The following CORO7 variants were observed in gnomAD, a reference collection of about 807,000 sequenced individuals.
The protein encoded by CORO7 is coronin-7.
A neutral mutation model predicts 126.6 loss-of-function variants in CORO7; 107 were observed. The observed-to-expected ratio is 0.85, with a 90% CI of 0.72 to 0.99. The LOEUF is 0.99. Ranked by LOEUF, CORO7 falls within the 50% of genes least tolerant of loss-of-function variation. The pLI is 0.00. For missense variants in CORO7, 1,314 were observed against 1,255.8 expected (o/e 1.05, Z -0.70); for synonymous variants, 603 against 536.8 (o/e 1.12, Z -1.70).
At chr16:4,367,143 C>G (rs952142663) in intron 9 of CORO7, among the ~76,000 whole-genome samples, 2 of 152,196 alleles carry the variant, frequency 1.3e-5, no homozygotes, top group African/African-American at 4.8e-5. Context: ...CCTGGAGTGC[C>G]TTGGGCTGGT....
chr16:4,381,749 G>A (rs751445099), intron 9 of CORO7: 42 of 1,603,694 alleles, frequency 2.6e-5, no homozygotes, highest in Non-Finnish European at 3.3e-5. Flanking sequence ...CCCCGCCTGC[G>A]GCTGCTGGCA....
At position 4,355,001 on chromosome 16, in the gene CORO7, C is replaced by CAG; in HGVS notation, c.*155_*156dup. 1 of 735,426 alleles carries CAG rather than the reference C, an allele frequency of 1.4e-6. No homozygotes were observed. The highest frequency in any genetic ancestry group is 2.0e-6 in the Non-Finnish European group (1 of 487,956). 45.6% of individuals were successfully genotyped at this position (735,426 alleles called of 1,614,324 possible). ...GGTGAAAACAGTCCCTGGGAACTGC[C>CAG]AGAGGCCCAGAGGATGTGGAAGTGC... On this transcript the variant is annotated 3_prime_UTR_variant, in exon 28 of 28. Transcript: ENST00000251166.
chr16:4,388,619 G>A lies in CORO7; in HGVS notation c.628C>T (p.His210Tyr), dbSNP rs750298756. The A allele has an allele frequency of 1.2e-6, 2 of 1,611,842 alleles. No individual in the cohort carries two copies. Among genetic ancestry groups the A allele is most frequent in the Non-Finnish European group, 1.7e-6 (2 of 1,179,490 alleles). The change falls in exon 8 of 28, where the codon CAT (histidine) becomes TAT (tyrosine). Residue 210 changes from histidine to tyrosine, a missense_variant. By Grantham distance (83) the His-to-Tyr change is moderately conservative (BLOSUM62 2). Coordinates refer to ENST00000251166, the MANE Select transcript of CORO7 (RefSeq NM_024535.5). ...KPRASQSTQA[H>Y]ENSRDSRLAW... Reference sequence around the variant, plus strand: ...AGCCGGCTATCCCTGCTGTTCTCATGGGCCTGCGTGCTCTGCAGGAGGCAA... The same window carrying A: ...AGCCGGCTATCCCTGCTGTTCTCATAGGCCTGCGTGCTCTGCAGGAGGCAA...
chr16:4,389,726 G>A (rs1001548053), intron 7 of CORO7, among the ~76,000 whole-genome samples: 1 of 152,218 alleles, frequency 6.6e-6, no homozygotes. Flanking sequence ...TCAGGACAAG[G>A]GTCGAGCCAT....
intron 9 of CORO7, among the ~76,000 whole-genome samples, chr16:4,385,205 T>C (rs920287160): frequency 6.6e-6 from 1 of 152,140 alleles, no homozygotes; most frequent in Non-Finnish European, 1.5e-5. Flanking sequence ...CCCTGGGCCA[T>C]GTGGGTGACA....
intron 9 of CORO7, chr16:4,382,247 C>T (rs372975411): frequency 1.4e-5 from 22 of 1,607,546 alleles, no homozygotes; most frequent in Admixed American, 1.0e-4. Flanking sequence ...ACACCAGTCA[C>T]GCCGAGGCCA....
At chr16:4,377,860 C>T (rs56845560) in intron 9 of CORO7, among the ~76,000 whole-genome samples, 3,105 of 152,308 alleles carry the variant, frequency 0.02, 108 homozygotes, top group African/African-American at 0.07. Context: ...TGGCTGCCGC[C>T]TGCTGGATGG....
chr16:4,357,914 C>A, intron 25 of CORO7, 54 bp downstream of exon 25: 1 of 1,559,638 alleles, frequency 6.4e-7, no homozygotes, highest in South Asian at 1.2e-5. Context: ...GGCCTTCTGT[C>A]CCTTTCTCCA....
intron 6 of CORO7, among the ~76,000 whole-genome samples, chr16:4,396,887 G>T (rs891869715): frequency 6.6e-5 from 10 of 151,606 alleles, no homozygotes; most frequent in African/African-American, 2.2e-4. Context: ...ATGGTGGCAG[G>T]CACCTGTAAT....
In CORO7 at chr16:4,407,490, G is replaced by A. The variant is rs774410759; in HGVS notation, c.487+11C>T. 9.6e-6 allele frequency: 15 copies of A among 1,561,342 alleles called. No homozygotes were observed. In the South Asian group the frequency reaches 1.3e-4, roughly 13 times the overall value. On this transcript the variant is annotated intron_variant, in intron 5 of 27. Coordinates refer to ENST00000251166, the MANE Select transcript of CORO7 (RefSeq NM_024535.5). ...GCTGCCCTGGGAAGGGCAGGCCAGG[G>A]TGGCCTGTACCTGTCAGGGGCTGCT...
intron 3 of CORO7, among the ~76,000 whole-genome samples, chr16:4,408,543 G>A (rs952372488): frequency 2.6e-5 from 4 of 152,208 alleles, no homozygotes; most frequent in Non-Finnish European, 5.9e-5. Context: ...CAGCTGCCCA[G>A]CCCGACCCCT....
In CORO7 at chr16:4,359,558, C is replaced by A. The variant is rs1241321305; in HGVS notation, c.2172G>T (p.Val724=). Residue 724 remains valine (V), a synonymous_variant, in exon 22 of 28, where the codon GTG becomes GTT. Coordinates refer to ENST00000251166, the MANE Select transcript of CORO7 (RefSeq NM_024535.5). ...AEALAGGPLA[V]LGLDVAPSTL... is the part of the protein sequence containing the mutation. ...TTGAGGGAGCCACGTCCAGGCCCAACACTGCCAAGGGTCCGCCGGCCAGGG... is the reference window on the plus strand; with the variant it reads ...TTGAGGGAGCCACGTCCAGGCCCAAAACTGCCAAGGGTCCGCCGGCCAGGG... 35 of 1,613,102 alleles carry A rather than the reference C, an allele frequency of 2.2e-5. No individual in the cohort carries two copies. Among genetic ancestry groups the A allele is most frequent in the Non-Finnish European group, 2.9e-5 (34 of 1,179,756 alleles).
chr16:4,398,745 G>A (rs189208453), intron 6 of CORO7, among the ~76,000 whole-genome samples: 36 of 151,522 alleles, frequency 2.4e-4, no homozygotes, highest in African/African-American at 6.6e-4. Context: ...CAAGGCGGGC[G>A]GATCACAAGG....
At position 4,402,140 on chromosome 16, in the gene CORO7, T is replaced by C. The variant is rs150213384; in HGVS notation, c.564+3351A>G. On this transcript the variant is annotated intron_variant, in intron 6 of 27. Transcript: ENST00000251166. ...TTTTAGTAGAGGAGGGGTTTCACTA[T>C]GTTGGCCAGGCTGGTCTTGAGCTCC... Among the ~76,000 whole-genome samples the C allele has an allele frequency of 6.6e-3, 1,006 of 152,234 alleles. 5 individuals are homozygous for C. The highest frequency in any genetic ancestry group is 0.024 in the Middle Eastern group (7 of 292).
intron 7 of CORO7, among the ~76,000 whole-genome samples, chr16:4,390,059 G>C (rs1169731243): frequency 6.6e-6 from 1 of 152,174 alleles, no homozygotes; most frequent in Non-Finnish European, 1.5e-5. Context: ...AATAAAATGG[G>C]GAAAGTCCCT....
chr16:4,361,968 TG>T lies in CORO7; in HGVS notation c.1578+16del. The T allele has an allele frequency of 6.3e-7, 1 of 1,589,362 alleles. No individual in the cohort carries two copies. Among genetic ancestry groups the T allele is most frequent in the Non-Finnish European group, 8.6e-7 (1 of 1,168,610 alleles). ...GCAGGGAACTGAGGGGCAGCCCTGG[TG>T]GGGTGGGGCCCTCACCTCAAGCACA... is the stretch of plus-strand genomic sequence containing the variant. On this transcript the variant is annotated intron_variant, in intron 16 of 27. Coordinates refer to ENST00000251166, the MANE Select transcript of CORO7 (RefSeq NM_024535.5).
chr16:4,408,187 G>A lies in CORO7; in HGVS notation c.297C>T (p.Asp99=), dbSNP rs763950065. 1.2e-6 allele frequency: 2 copies of A among 1,614,190 alleles called. No individual in the cohort carries two copies. The highest frequency in any genetic ancestry group is 1.7e-6 in the Non-Finnish European group (2 of 1,180,030). ...DDFLLATGSA[D]RTVKLWRLPG... is the part of the protein sequence containing the mutation. ...TCCAACTGGCTCCACTCACCGTCCTGTCAGCCGAGCCTGTGGCCAGGAGGA... is the reference window on the plus strand; with the variant it reads ...TCCAACTGGCTCCACTCACCGTCCTATCAGCCGAGCCTGTGGCCAGGAGGA... The change falls in exon 4 of 28, where the codon GAC becomes GAT. Residue 99 remains aspartate (D), a synonymous_variant. Coordinates refer to ENST00000251166, the MANE Select transcript of CORO7 (RefSeq NM_024535.5).
intron 26 of CORO7, among the ~76,000 whole-genome samples, chr16:4,356,178 C>A (rs1417189909): frequency 6.6e-6 from 1 of 151,890 alleles, no homozygotes; most frequent in Non-Finnish European, 1.5e-5. Context: ...GTGTCGAACT[C>A]CCAACCTCAG....
chr16:4,383,241 C>G (rs2055067593), intron 9 of CORO7: 1 of 300,690 alleles, frequency 3.3e-6, no homozygotes, highest in South Asian at 1.6e-4. Flanking sequence ...CAGGCGGACC[C>G]TGGGGGCCAG....
Sources: gnomAD v4.1 joint callset for allele counts (sites outside exome capture counted in the v4.1 genomes callset) on GRCh38, gnomAD v4.1.1 for gene constraint, MANE v1.5 for transcripts, NCBI Gene and HGNC (gene_info 2026-07-23, HGNC 2026-07-21) for gene names.